Variants in CELF4 observed in about 807,000 individuals in gnomAD.
The protein encoded by CELF4 is CUG-BP- and ETR-3-like factor 4.
A neutral mutation model predicts 59.9 loss-of-function variants in CELF4; 18 were observed. The observed-to-expected ratio is 0.30, with a 90% CI of 0.21 to 0.45. The LOEUF is 0.45. Among genes scored for constraint, CELF4 ranks in the 20% least tolerant of loss-of-function variants. The pLI is 1.00. For missense variants in CELF4, 456 were observed against 689.0 expected (o/e 0.66, Z 3.79); for synonymous variants, 261 against 267.1 (o/e 0.98, Z 0.22).
At chr18:37,512,001 AAAAG>A (rs1189957528) in intron 1 of CELF4, among the ~76,000 whole-genome samples, 3 of 152,142 alleles carry the variant, frequency 2.0e-5, no homozygotes, top group African/African-American at 4.8e-5. Flanking sequence ...AGAATTTAAA[AAAAG>A]AAAGAAAGAA....
intron 3 of CELF4, among the ~76,000 whole-genome samples, chr18:37,280,590 G>A (rs574977196): frequency 3.3e-5 from 5 of 152,196 alleles, no homozygotes; most frequent in Non-Finnish European, 7.3e-5. Flanking sequence ...GCTACACCCT[G>A]ATGGCTTCCA....
intron 1 of CELF4, among the ~76,000 whole-genome samples, chr18:37,541,579 C>A (rs1459800279): frequency 1.3e-5 from 2 of 152,156 alleles, no homozygotes; most frequent in African/African-American, 4.8e-5. Context: ...TCTTCCAACA[C>A]TTCTTGCTAA....
At chr18:37,248,261 C>T (rs1336657428) in intron 12 of CELF4, among the ~76,000 whole-genome samples, 1 of 152,214 alleles carries the variant, frequency 6.6e-6, no homozygotes, top group Non-Finnish European at 1.5e-5. Context: ...ATTCTAGAAA[C>T]ATGCCTTGGC....
intron 1 of CELF4, among the ~76,000 whole-genome samples, chr18:37,489,607 G>C (rs964314305): frequency 6.6e-6 from 1 of 152,146 alleles, no homozygotes; most frequent in South Asian, 2.1e-4. Context: ...CAGCTGAAAG[G>C]GGGGAAGGTG....
chr18:37,332,914 T>C (rs523307), intron 2 of CELF4, among the ~76,000 whole-genome samples: 105,507 of 152,146 alleles, frequency 0.69, 36,976 homozygotes, highest in East Asian at 0.96. Context: ...TTGCTGCTCC[T>C]GTGAACACGC....
At chr18:37,277,625 C>T (rs891670012) in intron 3 of CELF4, among the ~76,000 whole-genome samples, 8 of 152,080 alleles carry the variant, frequency 5.3e-5, no homozygotes, top group Non-Finnish European at 8.8e-5. Context: ...ATGGCAGAGA[C>T]AGAGGAAAGA....
chr18:37,468,363 C>T (rs1297400498), intron 2 of CELF4, among the ~76,000 whole-genome samples: 1 of 152,168 alleles, frequency 6.6e-6, no homozygotes, highest in Non-Finnish European at 1.5e-5. Flanking sequence ...GTTTCTGGAG[C>T]TCCAGAAGAA....
chr18:37,483,936 A>C (rs2099875730), intron 2 of CELF4, among the ~76,000 whole-genome samples: 1 of 152,214 alleles, frequency 6.6e-6, no homozygotes, highest in South Asian at 2.1e-4. Context: ...TAAAATAAAC[A>C]ACCACAAGTT....
rs188192293 is a variant in CELF4 at position 37,430,589 on chromosome 18, A to G, written c.369+54936T>C. 7.2e-5 allele frequency among the ~76,000 whole-genome samples: 11 copies of G among 152,366 alleles called. No individual in the cohort carries two copies. In the East Asian group the frequency reaches 2.1e-3, roughly 29 times the overall value. ...AGCCCAACCCAGCACAGAAACGACC[A>G]GATAACTGAGGTTTAGGGCCTGGTT... On this transcript the variant is annotated intron_variant, in intron 2 of 12. Coordinates refer to ENST00000420428, the MANE Select transcript of CELF4 (RefSeq NM_020180.4).
intron 2 of CELF4, among the ~76,000 whole-genome samples, chr18:37,347,415 G>T (rs1232474598): frequency 1.3e-5 from 2 of 152,112 alleles, no homozygotes. Flanking sequence ...TAAGGGGTTT[G>T]CAGGCCCATC....
intron 1 of CELF4, among the ~76,000 whole-genome samples, chr18:37,518,753 C>A (rs2099953782): frequency 6.6e-6 from 1 of 152,228 alleles, no homozygotes; most frequent in African/African-American, 2.4e-5. Flanking sequence ...AGTCTGCTAC[C>A]TCCTGAGGCC....
chr18:37,265,229 G>A (rs370645159), intron 9 of CELF4, among the ~76,000 whole-genome samples: 48 of 152,052 alleles, frequency 3.2e-4, no homozygotes, highest in East Asian at 1.9e-3. Context: ...ACGTGTGTGC[G>A]CGCACGTGCA....
intron 1 of CELF4, among the ~76,000 whole-genome samples, chr18:37,491,980 C>T (rs902154098): frequency 1.3e-5 from 2 of 152,140 alleles, no homozygotes; most frequent in African/African-American, 2.4e-5. Flanking sequence ...TGAACAGGGC[C>T]GAAGCCTGGG....
intron 1 of CELF4, among the ~76,000 whole-genome samples, chr18:37,558,105 G>C (rs893029023): frequency 6.8e-6 from 1 of 147,750 alleles, no homozygotes; most frequent in Non-Finnish European, 1.5e-5. Context: ...AGGCTCAAGC[G>C]ATACTCCTGC....
chr18:37,330,927 G>A (rs2097520807), intron 2 of CELF4, among the ~76,000 whole-genome samples: 1 of 152,206 alleles, frequency 6.6e-6, no homozygotes, highest in South Asian at 2.1e-4. Flanking sequence ...GACAGCCAGT[G>A]AGCACCGACC....
chr18:37,367,837 T>C (rs2098805711), intron 2 of CELF4, among the ~76,000 whole-genome samples: 1 of 152,114 alleles, frequency 6.6e-6, no homozygotes, highest in Admixed American at 6.5e-5. Context: ...TTCATCCATC[T>C]CTCCTAACGC....
chr18:37,502,210 C>T (rs1215806368), intron 1 of CELF4, among the ~76,000 whole-genome samples: 1 of 152,162 alleles, frequency 6.6e-6, no homozygotes, highest in African/African-American at 2.4e-5. Context: ...GGGAGCCTGC[C>T]AGTCCAATTC....
At chr18:37,308,421 C>T (rs1374822734) in intron 3 of CELF4, among the ~76,000 whole-genome samples, 1 of 152,204 alleles carries the variant, frequency 6.6e-6, no homozygotes, top group Non-Finnish European at 1.5e-5. Flanking sequence ...ACACTGTCCT[C>T]CAGAGACCCT....
intron 3 of CELF4, among the ~76,000 whole-genome samples, chr18:37,308,943 C>T (rs751427351): frequency 3.6e-4 from 55 of 152,306 alleles, no homozygotes; most frequent in Non-Finnish European, 1.2e-4. Context: ...ACAGGCTCAT[C>T]CTGCTGCTGG....
Sources: allele counts gnomAD v4.1 joint callset (sites outside exome capture counted in the v4.1 genomes callset), GRCh38; gene constraint gnomAD v4.1.1; transcripts MANE v1.5; gene names NCBI Gene and HGNC (gene_info 2026-07-23, HGNC 2026-07-21).